GLI1: variants seen among roughly 807,000 people sequenced by gnomAD.
GLI1 encodes the protein GLI family zinc finger 1.
A neutral mutation model predicts 87.8 loss-of-function variants in GLI1; 51 were observed. The ratio of observed to expected loss-of-function variants is 0.58; its 90% CI spans 0.46 to 0.73. GLI1 has a LOEUF of 0.73. GLI1 is among the 30% of genes least tolerant of loss of function. GLI1 has a pLI of 0.00. For synonymous variants in GLI1, 528 were observed against 558.2 expected (o/e 0.95, Z 0.76); for missense variants, 1,292 against 1,437.2 (o/e 0.90, Z 1.63).
At position 57,470,865 on chromosome 12, in the gene GLI1, G is replaced by C. The variant is rs1339134061; in HGVS notation, c.2125G>C (p.Val709Leu). Residue 709 changes from valine to leucine, a missense_variant, in exon 12 of 12, where the codon GTT becomes CTT. Coordinates refer to ENST00000228682, the MANE Select transcript of GLI1 (RefSeq NM_005269.3). ...TAGAGGGCTACAGGAAGAGCCAGAAGTTGGGACCTCCATGGTGGGCAGTGG... is the reference window on the plus strand; with the variant it reads ...TAGAGGGCTACAGGAAGAGCCAGAACTTGGGACCTCCATGGTGGGCAGTGG... ...DARGLQEEPE[V>L]GTSMVGSGLN... 2.2e-5 allele frequency: 35 copies of C among 1,610,750 alleles called. No homozygotes were observed. The highest frequency in any genetic ancestry group is 2.8e-5 in the Non-Finnish European group (33 of 1,178,198).
rs1349631593 is a variant in GLI1, at chr12:57,465,912, A to G, written c.749A>G (p.Glu250Gly). 7 of 1,613,950 alleles carry G rather than the reference A, an allele frequency of 4.3e-6. No individual in the cohort carries two copies. Among genetic ancestry groups the G allele is most frequent in the Non-Finnish European group, 5.9e-6 (7 of 1,179,920 alleles). The change falls in exon 7 of 12, where the codon GAG becomes GGG. Residue 250 changes from glutamate to glycine, a missense_variant. Glu to Gly is a moderately conservative substitution (Grantham distance 98). Transcript: ENST00000228682. ...TGCAGCCAGGAATTTGACTCCCAAG[A>G]GCAGCTGGTGCACGTGAGCCCCAGG... ...DGCSQEFDSQ[E>G]QLVHHINSEH...
At position 57,472,189 on chromosome 12, in the gene GLI1, T is replaced by C. The variant is rs536501886; in HGVS notation, c.*128T>C. On this transcript the variant is annotated 3_prime_UTR_variant, in exon 12 of 12. Transcript: ENST00000228682. ...GATGGGAGGTATGGGCTGGGGGCTA[T>C]GTATAGTCTGTATACGTTTTGAGGA... The C allele has an allele frequency of 4.7e-6, 3 of 636,834 alleles. No homozygotes were observed. In the East Asian group the frequency reaches 8.8e-5, roughly 19 times the overall value. 39.4% of individuals were successfully genotyped at this position (636,834 alleles called of 1,614,324 possible). A position where few individuals can be genotyped will look rare whatever the true frequency, so the allele number is the denominator to read the frequency against.
chr12:57,460,756 T>A (rs1594739045), intron 1 of GLI1, among the ~76,000 whole-genome samples: 2 of 92,360 alleles, frequency 2.2e-5, no homozygotes. Context: ...GAGTGTCTTC[T>A]GGACTTGGAA....
chr12:57,465,418 C>T (rs969427458), intron 5 of GLI1, 163 bp downstream of exon 5: 47 of 749,708 alleles, frequency 6.3e-5, no homozygotes, highest in African/African-American at 8.8e-5. Context: ...TTGAGTCAGA[C>T]GCTTCCAAAT....
At position 57,465,838 on chromosome 12, in the gene GLI1, G is replaced by A. The variant is rs754258666; in HGVS notation, c.675G>A (p.Glu225=). ...GGCGGGAGGACCTCGAGAGAGAGGA[G>A]AAGCGTGAGCCTGAATCTGTGTATG... is the stretch of plus-strand genomic sequence containing the variant. ...LDGREDLERE[E]KREPESVYET... The change falls in exon 7 of 12, where the codon GAG becomes GAA. Residue 225 remains glutamate, a synonymous_variant. Coordinates refer to ENST00000228682, the MANE Select transcript of GLI1 (RefSeq NM_005269.3). 7.4e-6 allele frequency: 12 copies of A among 1,614,038 alleles called. No homozygotes were observed. Among genetic ancestry groups the A allele is most frequent in the African/African-American group, 1.3e-5 (1 of 74,950 alleles).
rs1211062030 is a variant in GLI1 at position 57,465,774 on chromosome 12, C to G, written c.625-14C>G. 2 of 1,613,940 alleles carry G rather than the reference C, an allele frequency of 1.2e-6. No homozygotes were observed. Among genetic ancestry groups the G allele is most frequent in the Non-Finnish European group, 1.7e-6 (2 of 1,179,958 alleles). Reference sequence around the variant, plus strand: ...GTCACCCAAGTGACCCTGAGATTGCCTCTCTTGCCCTAGGATCCCCTGTTG... The same window carrying G: ...GTCACCCAAGTGACCCTGAGATTGCGTCTCTTGCCCTAGGATCCCCTGTTG... On this transcript the variant is annotated splice_polypyrimidine_tract_variant and intron_variant, in intron 6 of 11. Coordinates refer to ENST00000228682, the MANE Select transcript of GLI1 (RefSeq NM_005269.3).
At chr12:57,467,606 C>A in intron 9 of GLI1, 109 bp downstream of exon 9, 1 of 908,552 alleles carries the variant, frequency 1.1e-6, no homozygotes, top group South Asian at 1.8e-5. Context: ...GGTGAGTCCC[C>A]CTCCCCACAT....
chr12:57,470,849 A>G lies in GLI1; in HGVS notation c.2109A>G (p.Leu703=), dbSNP rs200049531. ...TENAAMDARG[L]QEEPEVGTSM... ...ATGCTGCCATGGATGCTAGAGGGCT[A>G]CAGGAAGAGCCAGAAGTTGGGACCT... is the stretch of plus-strand genomic sequence containing the variant. The change falls in exon 12 of 12, where the codon CTA becomes CTG. Residue 703 remains leucine, a synonymous_variant. Transcript: ENST00000228682. 8 of 1,610,106 alleles carry G rather than the reference A, an allele frequency of 5.0e-6. No homozygotes were observed. In the African/African-American group the frequency reaches 1.1e-4, roughly 21 times the overall value.
At chr12:57,464,575 T>A in intron 3 of GLI1, 98 bp from the exon 4 acceptor site, 2 of 710,990 alleles carry the variant, frequency 2.8e-6, no homozygotes, top group Non-Finnish European at 4.7e-6. Flanking sequence ...CAAAGCAGAA[T>A]CAAGTATCAT....
chr12:57,465,509 C>T, intron 5 of GLI1, 98 bp from the exon 6 acceptor site: 3 of 994,182 alleles, frequency 3.0e-6, no homozygotes, highest in Non-Finnish European at 4.6e-6. Context: ...GTTCCAGCTG[C>T]TTGGGTGGGG....
intron 3 of GLI1, among the ~76,000 whole-genome samples, chr12:57,464,358 C>G (rs370162752): frequency 7.2e-5 from 11 of 152,102 alleles, no homozygotes; most frequent in African/African-American, 2.7e-4. Flanking sequence ...CCTGTCTCTA[C>G]TAACAATACA....
intron 1 of GLI1, among the ~76,000 whole-genome samples, chr12:57,460,838 C>A (rs1053196098): frequency 6.6e-6 from 1 of 152,064 alleles, no homozygotes; most frequent in African/African-American, 2.4e-5. Flanking sequence ...AATTTGGACT[C>A]CTGAGTCCCA....
rs1363580678 is a variant in GLI1 at position 57,469,701 on chromosome 12, G to A, written c.1576+3G>A. ...ACTGCCCAGCTTGTCCCACACCGGTGAGACCTGGGTGTGGGAGGTGTGGCT... is the reference window on the plus strand; with the variant it reads ...ACTGCCCAGCTTGTCCCACACCGGTAAGACCTGGGTGTGGGAGGTGTGGCT... On this transcript the variant is annotated splice_donor_region_variant and intron_variant, in intron 11 of 11. Coordinates refer to ENST00000228682, the MANE Select transcript of GLI1 (RefSeq NM_005269.3). 6.2e-7 allele frequency: 1 copy of A among 1,612,750 alleles called. No homozygotes were observed. Among genetic ancestry groups the A allele is most frequent in the Admixed American group, 1.7e-5 (1 of 60,022 alleles).
chr12:57,466,980 G>T (rs1213610864), intron 8 of GLI1, among the ~76,000 whole-genome samples: 1 of 152,100 alleles, frequency 6.6e-6, no homozygotes, highest in Non-Finnish European at 1.5e-5. Flanking sequence ...CTTCAGTACT[G>T]TGCCTACTAC....
chr12:57,466,481 T>A, intron 8 of GLI1, 92 bp downstream of exon 8: 3 of 848,518 alleles, frequency 3.5e-6, no homozygotes, highest in Non-Finnish European at 5.5e-6. Flanking sequence ...CTTTTATAAG[T>A]CCTTTCTTCC....
Position 57,465,924 on chromosome 12 carries a change from A to G in GLI1, c.761A>G (p.His254Arg). 1.9e-6 allele frequency: 3 copies of G among 1,613,354 alleles called. No homozygotes were observed. The highest frequency in any genetic ancestry group is 2.5e-6 in the Non-Finnish European group (3 of 1,179,282). ...TTTGACTCCCAAGAGCAGCTGGTGC[A>G]CGTGAGCCCCAGGGGGTAACAGGAA... ...QEFDSQEQLV[H>R]HINSEHIHGE... The change falls in exon 7 of 12, where the codon CAC (histidine) becomes CGC (arginine). Residue 254 changes from histidine (H) to arginine (R), a missense_variant and splice_region_variant. His to Arg is a conservative substitution (Grantham distance 29, BLOSUM62 0). This residue lies in a region of GLI1 where 383 missense variants were observed against 368.4 expected (regional missense o/e 1.04). Coordinates refer to ENST00000228682, the MANE Select transcript of GLI1 (RefSeq NM_005269.3).
chr12:57,465,129 A>G lies in GLI1; in HGVS notation c.408A>G (p.Pro136=). ...IGTMSPSLGF[P]AQMNHQKGPS... is the part of the protein sequence containing the mutation. ...TCCTCAGCCCATCTCTGGGATTCCC[A>G]GCCCAGATGAATCACCAAAAAGGGC... is the stretch of plus-strand genomic sequence containing the variant. Residue 136 remains proline (P), a synonymous_variant, in exon 5 of 12, where the codon CCA becomes CCG. Coordinates refer to ENST00000228682, the MANE Select transcript of GLI1 (RefSeq NM_005269.3). 6.2e-7 allele frequency: 1 copy of G among 1,614,128 alleles called. No individual in the cohort carries two copies. Among genetic ancestry groups the G allele is most frequent in the Non-Finnish European group, 8.5e-7 (1 of 1,179,956 alleles).
chr12:57,464,543 G>T, intron 3 of GLI1, 130 bp from the exon 4 acceptor site: 9 of 569,894 alleles, frequency 1.6e-5, no homozygotes, highest in South Asian at 4.6e-5. Flanking sequence ...AAAAAAAAAA[G>T]TCACAGATAG....
rs764455953 is a variant in GLI1 at position 57,463,768 on chromosome 12, G to A, written c.77G>A (p.Gly26Glu). 28 of 1,606,816 alleles carry A rather than the reference G, an allele frequency of 1.7e-5. No individual in the cohort carries two copies. The highest frequency in any genetic ancestry group is 2.3e-5 in the Non-Finnish European group (27 of 1,176,702). The change falls in exon 2 of 12, where the codon GGG (glycine) becomes GAG (glutamate). Residue 26 changes from glycine (G) to glutamate (E), a missense_variant. Physicochemically the swap from Gly to Glu is moderately conservative, Grantham distance 98. Transcript: ENST00000228682. ...PCCLRPLPSQGAPSVGTEGLS... is the reference protein window; with the variant it reads ...PCCLRPLPSQEAPSVGTEGLS... ...TGTCTCCGGCCCCTCCCCAGTCAGG[G>A]GGCCCCCAGTGTGGGGACAGAAGGT...
Sources: gnomAD v4.1 joint callset for allele counts (sites outside exome capture counted in the v4.1 genomes callset) on GRCh38, gnomAD v4.1.1 for gene constraint, gnomAD v4.1.1 regional missense constraint, MANE v1.5 for transcripts, NCBI Gene and HGNC (gene_info 2026-07-23, HGNC 2026-07-21) for gene names.